ENOX1: variants seen among roughly 807,000 people sequenced by gnomAD.
ENOX1 encodes the protein ecto-NOX disulfide-thiol exchanger 1.
Under a neutral mutation model 82.5 loss-of-function variants are expected in ENOX1, and 42 were observed. That is an observed-to-expected ratio of 0.51 (90% CI 0.40 to 0.66). The LOEUF (loss-of-function observed/expected upper bound fraction) is 0.66, where lower values mean the gene tolerates loss of function less well. Among genes scored for constraint, ENOX1 ranks in the 30% least tolerant of loss-of-function variants. The pLI is 0.00. For synonymous variants in ENOX1, 271 were observed against 282.2 expected, an observed-to-expected ratio of 0.96 and a Z score of 0.40; for missense variants, 608 against 811.6, an observed-to-expected ratio of 0.75 and a Z score of 3.05.
At chr13:43,463,103 A>T (rs2057563666) in intron 3 of ENOX1, among the ~76,000 whole-genome samples, 4 of 152,190 alleles carry the variant, frequency 2.6e-5, no homozygotes, top group Non-Finnish European at 4.4e-5. Flanking sequence ...TAGTAATCTA[A>T]GCCAGCAAAC....
intron 12 of ENOX1, 150 bp downstream of exon 12, chr13:43,298,195 CA>C (rs1349949418): frequency 5.7e-6 from 4 of 696,556 alleles, no homozygotes; most frequent in South Asian, 6.7e-5. Flanking sequence ...CTTCCACAAA[CA>C]GTCATTAGCA....
At position 43,588,411 on chromosome 13, in the gene ENOX1, G is replaced by A. The variant is rs1333229042; in HGVS notation, c.-219+79068C>T. On this transcript the variant is annotated intron_variant, in intron 2 of 16. Transcript: ENST00000690772. ...AATGACAATCAGTAATCGTCATAAC[G>A]CTTACAACAATCTACTTTTTCCCTC... 2.6e-5 allele frequency among the ~76,000 whole-genome samples: 4 copies of A among 152,156 alleles called. No homozygotes were observed. The East Asian group carries it at 7.7e-4, about 29-fold the overall frequency.
At chr13:43,571,363 G>A (rs2153711148) in intron 2 of ENOX1, among the ~76,000 whole-genome samples, 1 of 152,232 alleles carries the variant, frequency 6.6e-6, no homozygotes, top group East Asian at 1.9e-4. Flanking sequence ...GGAATCGGGT[G>A]CTTAATTATT....
chr13:43,361,178 T>C, intron 6 of ENOX1, 101 bp downstream of exon 6: 1 of 1,240,176 alleles, frequency 8.1e-7, no homozygotes, highest in Middle Eastern at 2.3e-4. Flanking sequence ...ACTCTGTGCA[T>C]TTACGTGTGA....
chr13:43,271,666 A>AACAC (rs5803169), intron 12 of ENOX1, among the ~76,000 whole-genome samples: 21,700 of 149,946 alleles, frequency 0.14, 2,287 homozygotes, highest in East Asian at 0.59. Context: ...CTTCTATTAA[A>AACAC]ACACACACAC....
chr13:43,350,122 C>T (rs187414114), intron 8 of ENOX1, among the ~76,000 whole-genome samples: 6 of 152,258 alleles, frequency 3.9e-5, no homozygotes, highest in East Asian at 1.9e-4. Flanking sequence ...ACAAATAATT[C>T]GTCTCTGTAA....
chr13:43,310,209 A>G (rs1172419855), intron 11 of ENOX1, among the ~76,000 whole-genome samples: 1 of 150,568 alleles, frequency 6.6e-6, no homozygotes, highest in Non-Finnish European at 1.5e-5. Flanking sequence ...AAAAAAAAAA[A>G]AAAAAAAAAA....
At chr13:43,297,952 A>C (rs2046366150) in intron 12 of ENOX1, among the ~76,000 whole-genome samples, 1 of 152,220 alleles carries the variant, frequency 6.6e-6, no homozygotes, top group African/African-American at 2.4e-5. Flanking sequence ...ACTAACCTTG[A>C]AGACAGACAA....
chr13:43,288,702 C>T (rs1443368655), intron 12 of ENOX1, among the ~76,000 whole-genome samples: 2 of 152,144 alleles, frequency 1.3e-5, no homozygotes, highest in Non-Finnish European at 2.9e-5. Context: ...TGTGTATGGG[C>T]TATTCCTTCC....
chr13:43,325,133 C>T (rs1034235967), intron 10 of ENOX1, among the ~76,000 whole-genome samples: 4 of 152,026 alleles, frequency 2.6e-5, no homozygotes, highest in Admixed American at 2.6e-4. Context: ...GAAAATCAGC[C>T]TTGACCTCAG....
intron 2 of ENOX1, among the ~76,000 whole-genome samples, chr13:43,619,172 TATC>T (rs530880027): frequency 4.9e-4 from 74 of 152,260 alleles, no homozygotes; most frequent in African/African-American, 1.7e-3. Flanking sequence ...TAAACAATCA[TATC>T]ATCAGCAAAC....
chr13:43,421,846 A>G (rs1209752093), intron 3 of ENOX1, among the ~76,000 whole-genome samples: 1 of 149,916 alleles, frequency 6.7e-6, no homozygotes, highest in African/African-American at 2.4e-5. Context: ...TAATATAGTT[A>G]TAAATTTATA....
At chr13:43,477,713 T>C (rs2058344999) in intron 3 of ENOX1, among the ~76,000 whole-genome samples, 1 of 152,182 alleles carries the variant, frequency 6.6e-6, no homozygotes, top group South Asian at 2.1e-4. Flanking sequence ...TACTCTTTTT[T>C]TTCTTTATGG....
chr13:43,396,938 C>T (rs898393018), intron 5 of ENOX1, among the ~76,000 whole-genome samples: 2 of 152,220 alleles, frequency 1.3e-5, no homozygotes, highest in African/African-American at 4.8e-5. Flanking sequence ...GGCCACTTTG[C>T]CACCGTGTGA....
chr13:43,542,303 G>A (rs2078770012), intron 2 of ENOX1, among the ~76,000 whole-genome samples: 2 of 149,264 alleles, frequency 1.3e-5, no homozygotes, highest in East Asian at 4.0e-4. Flanking sequence ...CCACAGCCCC[G>A]GCTAATTTTT....
At chr13:43,369,777 C>T (rs2051096576) in intron 5 of ENOX1, among the ~76,000 whole-genome samples, 1 of 152,190 alleles carries the variant, frequency 6.6e-6, no homozygotes, top group Admixed American at 6.5e-5. Flanking sequence ...TCTAATTCAC[C>T]AGCAAATTTC....
chr13:43,569,666 T>TAAAAA (rs34098825), intron 2 of ENOX1, among the ~76,000 whole-genome samples: 13 of 150,400 alleles, frequency 8.6e-5, no homozygotes, highest in Middle Eastern at 3.4e-3. Context: ...CTTAGTGGTT[T>TAAAAA]AAAAAAAAAA....
intron 3 of ENOX1, among the ~76,000 whole-genome samples, chr13:43,478,903 T>C (rs1047132983): frequency 3.0e-5 from 4 of 133,668 alleles, no homozygotes; most frequent in Admixed American, 1.4e-4. Flanking sequence ...GCTGTATTCA[T>C]ATTATATTAC....
In ENOX1 at chr13:43,412,983, C is replaced by T. The variant is rs1483527291; in HGVS notation, c.-69G>A. ...AGTGCAGGGTCCCCTCGGAGGTCAT[C>T]AGATTCTGCAAAACGGGACAGAAGT... On this transcript the variant is annotated 5_prime_UTR_variant, in exon 4 of 17. It removes the in-frame stop codon of an upstream open reading frame in the 5' UTR. Coordinates refer to ENST00000690772, the MANE Select transcript of ENOX1 (RefSeq NM_001347969.2). 2.4e-5 allele frequency: 38 copies of T among 1,583,654 alleles called. No homozygotes were observed. Among genetic ancestry groups the T allele is most frequent in the Non-Finnish European group, 3.2e-5 (37 of 1,165,656 alleles).
Sources: gnomAD v4.1 joint callset for allele counts (sites outside exome capture counted in the v4.1 genomes callset) on GRCh38, gnomAD v4.1.1 for gene constraint, MANE v1.5 for transcripts, NCBI Gene and HGNC (gene_info 2026-07-23, HGNC 2026-07-21) for gene names.